The following PCNX2 variants were observed in gnomAD, a reference collection of about 807,000 sequenced individuals.
The protein encoded by PCNX2 is pecanex 2.
In PCNX2, 168 loss-of-function variants were observed where a neutral mutation model predicts 223.8. The observed-to-expected ratio is 0.75, with a 90% CI of 0.66 to 0.85. The LOEUF (loss-of-function observed/expected upper bound fraction) is 0.85. Ranked by LOEUF, PCNX2 falls within the 40% of genes least tolerant of loss-of-function variation. The pLI, the probability that PCNX2 is intolerant of heterozygous loss-of-function variation, is 0.00. For synonymous variants in PCNX2, 1,006 were observed against 1,052.6 expected, an observed-to-expected ratio of 0.96 and a Z score of 0.86; for missense variants, 2,507 against 2,675.5, an observed-to-expected ratio of 0.94 and a Z score of 1.39.
At chr1:233,227,096 G>T in intron 10 of PCNX2, 130 bp downstream of exon 10, 1 of 1,082,622 alleles carries the variant, frequency 9.2e-7, no homozygotes, top group Non-Finnish European at 1.2e-6. Context: ...TTTAACTTTG[G>T]GTTGTCAGCA....
At chr1:233,318,565 T>TTTC in the PCNX2 span, among the ~76,000 whole-genome samples, 1 of 116,622 alleles carries the variant, frequency 8.6e-6, no homozygotes, top group African/African-American at 3.3e-5. Flanking sequence ...TTCTTTTTCT[T>TTTC]TTTTTTTTTT....
Position 233,231,701 on chromosome 1 carries a change from G to A in PCNX2, c.2359-4330C>T, listed in dbSNP as rs562260811. 1,485 of 979,746 alleles carry A rather than the reference G, an allele frequency of 1.5e-3. 5 individuals are homozygous for A. The highest frequency in any genetic ancestry group is 1.7e-3 in the Non-Finnish European group (1,412 of 824,764). 60.7% of individuals were successfully genotyped at this position (979,746 alleles called of 1,614,324 possible). A position where few individuals can be genotyped will look rare whatever the true frequency, so the allele number is the denominator to read the frequency against. On this transcript the variant is annotated intron_variant, in intron 9 of 33. Coordinates refer to ENST00000258229, the MANE Select transcript of PCNX2 (RefSeq NM_014801.4). ...AAAAAGTGGTCCTTTGGGGAACTACGTGTAACTCCTAACAGCTATCAAACT... is the reference window on the plus strand; with the variant it reads ...AAAAAGTGGTCCTTTGGGGAACTACATGTAACTCCTAACAGCTATCAAACT...
chr1:233,244,354 G>C (rs1385391635), intron 8 of PCNX2, among the ~76,000 whole-genome samples: 2 of 152,148 alleles, frequency 1.3e-5, no homozygotes, highest in Non-Finnish European at 2.9e-5. Flanking sequence ...CTCAGTGTCA[G>C]ATTTTCCTCT....
At chr1:233,007,580 C>T (rs1572004911) in intron 28 of PCNX2, among the ~76,000 whole-genome samples, 1 of 152,184 alleles carries the variant, frequency 6.6e-6, no homozygotes, top group East Asian at 1.9e-4. Flanking sequence ...CTCTGTTGCC[C>T]AGGCTGGAGT....
intron 17 of PCNX2, among the ~76,000 whole-genome samples, chr1:233,165,588 T>C (rs12033123): frequency 0.059 from 9,008 of 152,290 alleles, 523 homozygotes; most frequent in East Asian, 0.31. Flanking sequence ...CATATTTTCA[T>C]GTACTTAATT....
In PCNX2 at chr1:233,025,268, G is replaced by C. The variant is rs370828299; in HGVS notation, c.4483C>G (p.Leu1495Val). The change falls in exon 26 of 34, where the codon CTC becomes GTC. Residue 1495 changes from leucine (L) to valine (V), a missense_variant. By Grantham distance (32) the Leu-to-Val change is conservative. This residue lies in a region of PCNX2 where 1,372 missense variants were observed against 1,509.4 expected (regional missense o/e 0.91). Transcript: ENST00000258229. ...SCNAAFHLRW[L>V]TWEITQTQYI... ...TGGGTCTGCGTGATTTCCCAGGTGA[G>C]CCAGCGGAGGTGAAAGGCAGCGTTG... 6 of 1,613,912 alleles carry C rather than the reference G, an allele frequency of 3.7e-6. No individual in the cohort carries two copies. The highest frequency in any genetic ancestry group is 5.1e-6 in the Non-Finnish European group (6 of 1,179,908).
intron 19 of PCNX2, among the ~76,000 whole-genome samples, chr1:233,145,029 A>G (rs551682850): frequency 4.0e-5 from 6 of 150,460 alleles, no homozygotes; most frequent in African/African-American, 9.8e-5. Flanking sequence ...CAGTGGCTCA[A>G]TCTCGGCTCA....
At chr1:232,988,537 T>C (rs1181420278) in intron 32 of PCNX2, among the ~76,000 whole-genome samples, 1 of 152,224 alleles carries the variant, frequency 6.6e-6, no homozygotes, top group African/African-American at 2.4e-5. Context: ...TGCAAATAAC[T>C]CTATTACCAA....
chr1:233,183,696 G>A (rs751033194), intron 15 of PCNX2, among the ~76,000 whole-genome samples: 13 of 152,134 alleles, frequency 8.5e-5, no homozygotes, highest in Non-Finnish European at 1.0e-4. Flanking sequence ...GCATAACCAT[G>A]AACAGGACAG....
intron 26 of PCNX2, chr1:233,018,988 G>T (rs1261022332): frequency 2.0e-6 from 2 of 985,258 alleles, no homozygotes; most frequent in Non-Finnish European, 2.4e-6. Context: ...CTTTTCTAGG[G>T]GGGCCCCCAC....
At chr1:233,298,235 A>G (rs781548962), upstream of PCNX2, among the ~76,000 whole-genome samples, 4 of 152,126 alleles carry the variant, frequency 2.6e-5, no homozygotes, top group Non-Finnish European at 5.9e-5. Flanking sequence ...AAAGGAGGAA[A>G]ATAAGGTGAA....
At chr1:232,986,008 G>T in intron 33 of PCNX2, 84 bp downstream of exon 33, 2 of 1,424,802 alleles carry the variant, frequency 1.4e-6, no homozygotes, top group Non-Finnish European at 1.9e-6. Flanking sequence ...AGAAGGGTGG[G>T]AACGCAAGGC....
chr1:233,025,224 G>C lies in PCNX2; in HGVS notation c.4527C>G (p.Tyr1509Ter). The change falls in exon 26 of 34, where the codon TAC (tyrosine) becomes TAG (stop). Residue 1509 changes from tyrosine to a stop codon, truncating the protein, a stop_gained. Transcript: ENST00000258229. LOFTEE classifies it high-confidence loss of function. Reference sequence around the variant, plus strand: ...TGGCCGCGTTGTTGTCCAGGATGCTGTAGCCCTCCAGGATGTACTGGGTCT... The same window carrying C: ...TGGCCGCGTTGTTGTCCAGGATGCTCTAGCCCTCCAGGATGTACTGGGTCT... ...ITQTQYILEG[Y>*]SILDNNAATM... 6.2e-7 allele frequency: 1 copy of C among 1,614,036 alleles called. No homozygotes were observed. Among genetic ancestry groups the C allele is most frequent in the Non-Finnish European group, 8.5e-7 (1 of 1,179,898 alleles).
intron 12 of PCNX2, 76 bp downstream of exon 12, chr1:233,217,823 G>T: frequency 1.3e-6 from 2 of 1,550,178 alleles, no homozygotes; most frequent in South Asian, 1.2e-5. Flanking sequence ...TTGGCCCTTT[G>T]ACTAGATTTT....
intron 21 of PCNX2, among the ~76,000 whole-genome samples, chr1:233,120,491 C>T (rs1043327729): frequency 2.6e-5 from 4 of 152,104 alleles, no homozygotes; most frequent in African/African-American, 9.7e-5. Flanking sequence ...CTCATGTATT[C>T]CTGGTGGAAA....
At chr1:233,143,124 T>C (rs1343008932) in intron 19 of PCNX2, among the ~76,000 whole-genome samples, 2 of 152,202 alleles carry the variant, frequency 1.3e-5, no homozygotes, top group Non-Finnish European at 2.9e-5. Context: ...CCAAAGGAAC[T>C]TTCAAATACA....
At chr1:233,037,417 A>C (rs1433849423) in intron 25 of PCNX2, among the ~76,000 whole-genome samples, 1 of 152,128 alleles carries the variant, frequency 6.6e-6, no homozygotes, top group African/African-American at 2.4e-5. Flanking sequence ...CTGTCACTCA[A>C]ACTCCTGGGT....
intron 23 of PCNX2, among the ~76,000 whole-genome samples, chr1:233,067,246 A>C (rs1352566765): frequency 2.0e-5 from 3 of 151,714 alleles, no homozygotes; most frequent in Non-Finnish European, 4.4e-5. Flanking sequence ...TTTAAAAGAC[A>C]ATAGATGCCA....
At chr1:233,069,115 A>G (rs1407855695) in intron 23 of PCNX2, among the ~76,000 whole-genome samples, 1 of 152,198 alleles carries the variant, frequency 6.6e-6, no homozygotes, top group East Asian at 1.9e-4. Flanking sequence ...TACCAAAGAC[A>G]GAAACGAACA....
Sources: allele counts gnomAD v4.1 joint callset (sites outside exome capture counted in the v4.1 genomes callset), GRCh38; gene constraint gnomAD v4.1.1; regional missense constraint gnomAD v4.1.1; transcripts MANE v1.5; gene names NCBI Gene and HGNC (gene_info 2026-07-23, HGNC 2026-07-21).